The following KCNH8 variants were observed in gnomAD, a reference collection of about 807,000 sequenced individuals.
KCNH8 encodes the protein potassium voltage-gated channel subfamily H member 8.
KCNH8 carries 70 observed loss-of-function variants against 103.6 expected under a neutral mutation model. The ratio of observed to expected loss-of-function variants is 0.68; its 90% CI spans 0.56 to 0.82. The LOEUF (loss-of-function observed/expected upper bound fraction) is 0.82, where lower values mean the gene tolerates loss of function less well. Among genes scored for constraint, KCNH8 ranks in the 40% least tolerant of loss-of-function variants. The pLI, the probability that KCNH8 is intolerant of heterozygous loss-of-function variation, is 0.00. For missense variants in KCNH8, 1,217 were observed against 1,329.9 expected (o/e 0.92, Z 1.32); for synonymous variants, 498 against 489.4 (o/e 1.02, Z -0.23).
At chr3:19,489,636 A>C (rs2068278497) in intron 11 of KCNH8, among the ~76,000 whole-genome samples, 1 of 151,838 alleles carries the variant, frequency 6.6e-6, no homozygotes, top group South Asian at 2.1e-4. Context: ...CTGTTTTGAA[A>C]TTTTTCAACA....
At chr3:19,246,835 C>A (rs2064212747) in intron 1 of KCNH8, among the ~76,000 whole-genome samples, 1 of 152,064 alleles carries the variant, frequency 6.6e-6, no homozygotes, top group Non-Finnish European at 1.5e-5. Context: ...TTATGAATTT[C>A]CACCTGAGGG....
At chr3:19,261,546 C>G (rs1292333992) in intron 2 of KCNH8, among the ~76,000 whole-genome samples, 1 of 151,770 alleles carries the variant, frequency 6.6e-6, no homozygotes, top group African/African-American at 2.4e-5. Context: ...TTGTAGGTTA[C>G]CTTTTCATTT....
intron 5 of KCNH8, among the ~76,000 whole-genome samples, chr3:19,388,423 C>G (rs1299591301): frequency 6.6e-6 from 1 of 152,060 alleles, no homozygotes; most frequent in Non-Finnish European, 1.5e-5. Flanking sequence ...ACATGCTACT[C>G]TTACAGTCTG....
intron 7 of KCNH8, among the ~76,000 whole-genome samples, chr3:19,419,195 G>C (rs9825602): frequency 7.8e-6 from 1 of 128,730 alleles, no homozygotes; most frequent in African/African-American, 2.9e-5. Flanking sequence ...AATGGTTTTG[G>C]TTTTTTTTTT....
chr3:19,201,490 C>G (rs972275010), intron 1 of KCNH8, among the ~76,000 whole-genome samples: 6 of 152,096 alleles, frequency 3.9e-5, no homozygotes, highest in Admixed American at 3.9e-4. Flanking sequence ...CATAAGAAAA[C>G]TGTGGTTTAA....
In KCNH8 at chr3:19,451,460, A is replaced by T. The variant is rs1404049876; in HGVS notation, c.1825+56A>T. 6 of 1,549,134 alleles carry T rather than the reference A, an allele frequency of 3.9e-6. No homozygotes were observed. In the African/African-American group the frequency reaches 5.5e-5, roughly 14 times the overall value. ...TTTGACTCTGGAGCATAAATTAAGA[A>T]GATGAAATGGGGGAAAAAACTGCTA... On this transcript the variant is annotated intron_variant, in intron 10 of 15. Transcript: ENST00000328405.
At chr3:19,367,421 AAATATATATATCAT>A (rs1310014431) in intron 5 of KCNH8, among the ~76,000 whole-genome samples, 1 of 146,604 alleles carries the variant, frequency 6.8e-6, no homozygotes, top group Non-Finnish European at 1.5e-5. Flanking sequence ...TATATATCAG[AAATATATATATCAT>A]AATATATATA....
At chr3:19,460,502 A>G (rs1559337708) in intron 11 of KCNH8, among the ~76,000 whole-genome samples, 1 of 152,090 alleles carries the variant, frequency 6.6e-6, no homozygotes, top group Non-Finnish European at 1.5e-5. Context: ...GCTTTGGTTT[A>G]CCTGAACTTC....
intron 7 of KCNH8, among the ~76,000 whole-genome samples, chr3:19,435,163 C>G (rs1482119879): frequency 6.6e-6 from 1 of 151,762 alleles, no homozygotes; most frequent in Admixed American, 6.6e-5. Flanking sequence ...TAAATATATA[C>G]AATTTTTGTT....
chr3:19,230,590 G>T (rs1435743698), intron 1 of KCNH8, among the ~76,000 whole-genome samples: 1 of 152,160 alleles, frequency 6.6e-6, no homozygotes, highest in Non-Finnish European at 1.5e-5. Context: ...GTCATCGGTT[G>T]CATAATACCA....
At chr3:19,271,263 T>G (rs2064583816) in intron 2 of KCNH8, among the ~76,000 whole-genome samples, 1 of 152,166 alleles carries the variant, frequency 6.6e-6, no homozygotes. Context: ...TGAACCACTC[T>G]GAACTCATGA....
chr3:19,288,825 A>G (rs1447517167), intron 3 of KCNH8, among the ~76,000 whole-genome samples: 3 of 152,148 alleles, frequency 2.0e-5, no homozygotes, highest in African/African-American at 7.2e-5. Flanking sequence ...ACAATGGTTG[A>G]ACTAGTTTGC....
chr3:19,299,694 A>G (rs1373341539), intron 3 of KCNH8, among the ~76,000 whole-genome samples: 1 of 152,044 alleles, frequency 6.6e-6, no homozygotes, highest in Non-Finnish European at 1.5e-5. Flanking sequence ...TAATGTGACT[A>G]TGTATGTCAA....
intron 15 of KCNH8, among the ~76,000 whole-genome samples, chr3:19,529,103 G>T (rs1198663274): frequency 6.6e-6 from 1 of 152,118 alleles, no homozygotes; most frequent in South Asian, 2.1e-4. Flanking sequence ...ATCTGATGGT[G>T]TGCAAGGGAG....
intron 3 of KCNH8, among the ~76,000 whole-genome samples, chr3:19,314,661 A>G (rs1559472579): frequency 6.6e-6 from 1 of 152,028 alleles, no homozygotes; most frequent in Admixed American, 6.6e-5. Flanking sequence ...TAGACAATCT[A>G]TAAACAAATG....
At chr3:19,191,075 GA>G (rs1402575720) in intron 1 of KCNH8, among the ~76,000 whole-genome samples, 1 of 151,810 alleles carries the variant, frequency 6.6e-6, no homozygotes, top group East Asian at 1.9e-4. Flanking sequence ...GTCAGTTTAA[GA>G]TGATCACATC....
intron 7 of KCNH8, among the ~76,000 whole-genome samples, chr3:19,419,876 A>G (rs1231197098): frequency 1.3e-5 from 2 of 152,114 alleles, no homozygotes; most frequent in Non-Finnish European, 2.9e-5. Flanking sequence ...AGCTTTCAAC[A>G]TCTCTAAATT....
At chr3:19,316,203 G>C (rs1396047054) in intron 3 of KCNH8, among the ~76,000 whole-genome samples, 1 of 151,900 alleles carries the variant, frequency 6.6e-6, no homozygotes, top group Non-Finnish European at 1.5e-5. Flanking sequence ...TTGACATTTT[G>C]AGTTGGATAG....
intron 1 of KCNH8, among the ~76,000 whole-genome samples, chr3:19,184,477 T>C (rs2063484245): frequency 6.6e-6 from 1 of 152,026 alleles, no homozygotes; most frequent in African/African-American, 2.4e-5. Flanking sequence ...TATGTAATTT[T>C]TCTAATTTAA....
Sources: gnomAD v4.1 joint callset for allele counts (sites outside exome capture counted in the v4.1 genomes callset) on GRCh38, gnomAD v4.1.1 for gene constraint, MANE v1.5 for transcripts, NCBI Gene and HGNC (gene_info 2026-07-23, HGNC 2026-07-21) for gene names.